The following STAT5B variants were observed in gnomAD, a reference collection of about 807,000 sequenced individuals.
STAT5B encodes the protein transcription factor STAT5B.
STAT5B carries 21 observed loss-of-function variants against 107.8 expected under a neutral mutation model. The observed-to-expected ratio is 0.19, with a 90% CI of 0.14 to 0.28. The LOEUF (loss-of-function observed/expected upper bound fraction) is 0.28. STAT5B is among the 10% of genes least tolerant of loss of function. The pLI is 1.00. For synonymous variants in STAT5B, 325 were observed against 401.7 expected (o/e 0.81, Z 2.28); for missense variants, 565 against 1,008.2 (o/e 0.56, Z 5.95).
intron 12 of STAT5B, among the ~76,000 whole-genome samples, chr17:42,213,009 T>C (rs2080142087): frequency 6.6e-6 from 1 of 152,296 alleles, no homozygotes; most frequent in South Asian, 2.1e-4. Flanking sequence ...AAAATCCACA[T>C]GTTCTGCATC....
chr17:42,224,630 T>A, intron 4 of STAT5B, 149 bp downstream of exon 4: 1 of 807,788 alleles, frequency 1.2e-6, no homozygotes, highest in Non-Finnish European at 2.1e-6. Flanking sequence ...CAGTCAAGTC[T>A]CCTATTTCTT....
intron 1 of STAT5B, among the ~76,000 whole-genome samples, chr17:42,249,015 G>C (rs2080476162): frequency 1.3e-5 from 2 of 152,222 alleles, no homozygotes; most frequent in Admixed American, 6.5e-5. Flanking sequence ...GGAAGTGTTA[G>C]GAAGGTGAGA....
chr17:42,222,036 G>GTGTGTGTGTGCTGTGTGTC (rs1438279249), intron 5 of STAT5B, among the ~76,000 whole-genome samples: 3 of 142,668 alleles, frequency 2.1e-5, no homozygotes, highest in Non-Finnish European at 4.6e-5. Flanking sequence ...GTGTGGTGTG[G>GTGTGTGTGTGCTGTGTGTC]TGTGTGTGTG....
At chr17:42,227,751 A>G in intron 2 of STAT5B, 66 bp from the exon 3 acceptor site, 1 of 1,528,228 alleles carries the variant, frequency 6.5e-7, no homozygotes, top group South Asian at 1.2e-5. Context: ...ATACAGCCTC[A>G]ACACATCCTA....
upstream of STAT5B, chr17:42,276,600 G>A (rs891034462): frequency 4.6e-5 from 7 of 151,388 alleles, no homozygotes; most frequent in African/African-American, 1.7e-4. This position sits in a 1 kb window ranked among gnomAD's most constrained non-coding sequence, Gnocchi z 4.8. Context: ...GGCGCGCTCG[G>A]CGGTGCCGGT....
chr17:42,280,046 C>G (rs1206774514), upstream of STAT5B, among the ~76,000 whole-genome samples: 2 of 152,060 alleles, frequency 1.3e-5, no homozygotes, highest in Non-Finnish European at 1.5e-5. Flanking sequence ...GGACCCTCTT[C>G]TTCTAGGCCT....
intron 1 of STAT5B, 81 bp from the exon 2 acceptor site, chr17:42,232,218 T>G: frequency 7.0e-7 from 1 of 1,432,210 alleles, no homozygotes; most frequent in Non-Finnish European, 9.3e-7. Context: ...TTCACTTAGT[T>G]ACCAAGGTAA....
intron 1 of STAT5B, among the ~76,000 whole-genome samples, chr17:42,265,306 A>G (rs1038993693): frequency 1.3e-5 from 2 of 151,918 alleles, no homozygotes; most frequent in Non-Finnish European, 2.9e-5. Flanking sequence ...ACAAATCTTT[A>G]AACATATTTC....
intron 5 of STAT5B, among the ~76,000 whole-genome samples, chr17:42,222,659 C>T (rs1441952166): frequency 6.6e-6 from 1 of 150,614 alleles, no homozygotes; most frequent in Non-Finnish European, 1.5e-5. Context: ...TACAGGTGTG[C>T]AAAACCACTC....
intron 4 of STAT5B, among the ~76,000 whole-genome samples, 198 bp downstream of exon 4, chr17:42,224,581 A>G (rs962356761): frequency 3.3e-5 from 5 of 151,902 alleles, no homozygotes; most frequent in Non-Finnish European, 7.4e-5. Context: ...GGCTCAGGCA[A>G]TCTGCCTGCC....
In STAT5B at chr17:42,217,119, ACACACG is replaced by A. The variant is rs772170710; in HGVS notation, c.1380+35_1380+40del. On this transcript the variant is annotated intron_variant, in intron 11 of 18. Transcript: ENST00000293328. ...TTGTAACATAAAGTACACCACACAC[ACACACG>A]CACACGCACACGCAGAGCTGAGGGA... 831 of 1,592,940 alleles carry A rather than the reference ACACACG, an allele frequency of 5.2e-4. 1 individual carries two copies. In the African/African-American group the frequency reaches 9.3e-3, roughly 18 times the overall value.
At chr17:42,246,533 C>T (rs1287748766) in intron 1 of STAT5B, among the ~76,000 whole-genome samples, 2 of 152,006 alleles carry the variant, frequency 1.3e-5, no homozygotes, top group African/African-American at 4.8e-5. Flanking sequence ...ATATTAGTGG[C>T]CCTCTTTCAT....
intron 1 of STAT5B, chr17:42,272,280 G>A (rs2080727612): frequency 6.6e-6 from 1 of 152,128 alleles, no homozygotes; most frequent in Non-Finnish European, 1.5e-5. Flanking sequence ...CACTGTGTAT[G>A]GCTTTTAAGC....
intron 1 of STAT5B, among the ~76,000 whole-genome samples, chr17:42,237,088 A>C (rs1598318340): frequency 6.6e-6 from 1 of 152,134 alleles, no homozygotes; most frequent in Admixed American, 6.6e-5. Flanking sequence ...GCTGAGTTGC[A>C]CTCTGTGTTC....
Position 42,265,174 on chromosome 17 carries a change from T to C in STAT5B, c.-11+11074A>G, listed in dbSNP as rs1356834283. ...TTTGTAGGTTGCCTGTTCACTCTGA[T>C]GGTAGTTTCTTTTGCTGTGCAGAAG... On this transcript the variant is annotated intron_variant, in intron 1 of 18. Coordinates refer to ENST00000293328, the MANE Select transcript of STAT5B (RefSeq NM_012448.4). 2.2e-3 allele frequency among the ~76,000 whole-genome samples: 338 copies of C among 150,742 alleles called. 1 individual carries two copies. The highest frequency in any genetic ancestry group is 3.0e-3 in the Non-Finnish European group (204 of 67,654).
intron 1 of STAT5B, among the ~76,000 whole-genome samples, chr17:42,237,132 G>A (rs1233429521): frequency 6.6e-6 from 1 of 152,170 alleles, no homozygotes; most frequent in Non-Finnish European, 1.5e-5. Context: ...GACAGCCCTG[G>A]ATGCAGAACC....
chr17:42,262,741 T>C (rs1472402743), intron 1 of STAT5B, among the ~76,000 whole-genome samples: 2 of 110,738 alleles, frequency 1.8e-5, no homozygotes, highest in African/African-American at 4.3e-5. Flanking sequence ...CTTAGCAGAG[T>C]GTGTATATAT....
At chr17:42,273,689 A>C (rs1395586298) in intron 1 of STAT5B, among the ~76,000 whole-genome samples, 3 of 152,344 alleles carry the variant, frequency 2.0e-5, no homozygotes, top group African/African-American at 7.2e-5. Context: ...AATCTTGAGC[A>C]TGTTATTTAC....
chr17:42,238,215 C>T (rs1033105795), intron 1 of STAT5B, among the ~76,000 whole-genome samples: 1 of 151,992 alleles, frequency 6.6e-6, no homozygotes, highest in Non-Finnish European at 1.5e-5. Flanking sequence ...TTCACTGCAG[C>T]CTCAAACTCC....
Sources: gnomAD v4.1 joint callset for allele counts (sites outside exome capture counted in the v4.1 genomes callset) on GRCh38, gnomAD v4.1.1 for gene constraint, Gnocchi (gnomAD v3.1) non-coding constraint, MANE v1.5 for transcripts, NCBI Gene and HGNC (gene_info 2026-07-23, HGNC 2026-07-21) for gene names.